The following CLSTN2 variants were observed in gnomAD, a reference collection of about 807,000 sequenced individuals.
The protein encoded by CLSTN2 is calsyntenin-2.
In CLSTN2, 48 loss-of-function variants were observed where a neutral mutation model predicts 101.2. That is an observed-to-expected ratio of 0.47 (90% CI 0.38 to 0.60). CLSTN2 has a LOEUF of 0.60. CLSTN2 is among the 20% of genes least tolerant of loss of function. The pLI, the probability that CLSTN2 is intolerant of heterozygous loss-of-function variation, is 0.00. For missense variants in CLSTN2, 1,160 were observed against 1,238.2 expected (o/e 0.94, Z 0.95); for synonymous variants, 481 against 463.6 (o/e 1.04, Z -0.48).
chr3:140,356,433 A>T (rs1388583633), intron 2 of CLSTN2, among the ~76,000 whole-genome samples: 1 of 152,168 alleles, frequency 6.6e-6, no homozygotes, highest in Non-Finnish European at 1.5e-5. Flanking sequence ...GAGCTGGGTG[A>T]CATGTTAGAA....
At chr3:140,407,933 T>A (rs1302682629) in intron 4 of CLSTN2, among the ~76,000 whole-genome samples, 1 of 152,142 alleles carries the variant, frequency 6.6e-6, no homozygotes, top group Non-Finnish European at 1.5e-5. Context: ...CAGTGATGTT[T>A]AAGTTTGCAA....
intron 10 of CLSTN2, among the ~76,000 whole-genome samples, chr3:140,554,771 G>A (rs975984575): frequency 1.1e-4 from 16 of 152,250 alleles, no homozygotes; most frequent in Non-Finnish European, 2.1e-4. Context: ...AAAGATTACA[G>A]TTTATCTATA....
intron 1 of CLSTN2, among the ~76,000 whole-genome samples, chr3:140,029,497 G>T (rs2007502400): frequency 6.6e-6 from 1 of 152,150 alleles, no homozygotes; most frequent in Non-Finnish European, 1.5e-5. Context: ...AGTCCCACAT[G>T]CTGATTTTTA....
At chr3:140,492,643 G>A (rs1934375037) in intron 8 of CLSTN2, among the ~76,000 whole-genome samples, 1 of 152,154 alleles carries the variant, frequency 6.6e-6, no homozygotes, top group Non-Finnish European at 1.5e-5. Context: ...AAAGAAATTT[G>A]GATGAATGAA....
intron 2 of CLSTN2, among the ~76,000 whole-genome samples, chr3:140,295,743 C>T (rs1278400487): frequency 1.3e-5 from 2 of 152,082 alleles, no homozygotes; most frequent in African/African-American, 2.4e-5. Flanking sequence ...CGACCATTGC[C>T]TTTGGAGGTA....
intron 5 of CLSTN2, among the ~76,000 whole-genome samples, chr3:140,427,823 G>A (rs773509135): frequency 6.6e-5 from 10 of 152,082 alleles, no homozygotes; most frequent in Non-Finnish European, 1.3e-4. Flanking sequence ...CTTGAGTTGC[G>A]ATTTGTGAGA....
At chr3:139,947,201 G>T (rs951614654) in intron 1 of CLSTN2, among the ~76,000 whole-genome samples, 1 of 152,192 alleles carries the variant, frequency 6.6e-6, no homozygotes, top group African/African-American at 2.4e-5. Context: ...ATGAAATCTA[G>T]TGTAGAAAAA....
intron 2 of CLSTN2, among the ~76,000 whole-genome samples, chr3:140,332,924 T>C (rs1332107875): frequency 1.3e-5 from 2 of 152,216 alleles, no homozygotes; most frequent in African/African-American, 4.8e-5. Context: ...AGTGTCTTAC[T>C]GACCTGTATT....
Position 140,209,076 on chromosome 3 carries a change from G to GA in CLSTN2, c.232+33011dup, listed in dbSNP as rs546170076. 3.3e-5 allele frequency among the ~76,000 whole-genome samples: 5 copies of GA among 151,830 alleles called. No individual in the cohort carries two copies. The East Asian group carries it at 7.7e-4, about 23-fold the overall frequency. On this transcript the variant is annotated intron_variant, in intron 2 of 16. Coordinates refer to ENST00000458420, the MANE Select transcript of CLSTN2 (RefSeq NM_022131.3). ...TTTCTATAAGAACAATTTATTTATG[G>GA]AAAAAAAATCACTCCCATTCTGTCT... is the stretch of plus-strand genomic sequence containing the variant.
chr3:140,110,432 G>A (rs370196127), intron 1 of CLSTN2, among the ~76,000 whole-genome samples: 3 of 152,196 alleles, frequency 2.0e-5, no homozygotes, highest in African/African-American at 7.2e-5. Flanking sequence ...ATGGGGCATC[G>A]TGTTATTGAA....
chr3:139,949,250 C>T (rs150708072), intron 1 of CLSTN2, among the ~76,000 whole-genome samples: 99 of 152,294 alleles, frequency 6.5e-4, no homozygotes, highest in African/African-American at 2.0e-3. Context: ...TTCTCAGACT[C>T]GGTCTAACGC....
At chr3:140,268,310 C>T (rs1356017831) in intron 2 of CLSTN2, among the ~76,000 whole-genome samples, 1 of 152,138 alleles carries the variant, frequency 6.6e-6, no homozygotes, top group African/African-American at 2.4e-5. Context: ...TTCACTCAGC[C>T]CTTTTACCAA....
chr3:140,492,291 A>C (rs1934368754), intron 8 of CLSTN2, among the ~76,000 whole-genome samples: 1 of 152,250 alleles, frequency 6.6e-6, no homozygotes, highest in Admixed American at 6.5e-5. Flanking sequence ...AAGCGGGCCC[A>C]GTAGTTCCAT....
chr3:140,323,491 A>G (rs1474813024), intron 2 of CLSTN2, among the ~76,000 whole-genome samples: 1 of 152,234 alleles, frequency 6.6e-6, no homozygotes, highest in African/African-American at 2.4e-5. Context: ...CCTCATAGAT[A>G]AAATGATTGG....
chr3:140,382,295 A>G (rs1055464112), intron 2 of CLSTN2, among the ~76,000 whole-genome samples: 2 of 152,136 alleles, frequency 1.3e-5, no homozygotes, highest in South Asian at 2.1e-4. Flanking sequence ...TTGAGTCTCC[A>G]TGGGCCACCC....
At chr3:140,148,344 A>C (rs1220608346) in intron 1 of CLSTN2, among the ~76,000 whole-genome samples, 1 of 152,220 alleles carries the variant, frequency 6.6e-6, no homozygotes, top group Non-Finnish European at 1.5e-5. Flanking sequence ...TTAATTGCTA[A>C]TGACATTGAG....
chr3:140,179,194 A>T (rs1275395336), intron 2 of CLSTN2, among the ~76,000 whole-genome samples: 10 of 152,160 alleles, frequency 6.6e-5, no homozygotes, highest in Admixed American at 3.3e-4. Context: ...ACAAGTATTT[A>T]TTGTAGAAAC....
chr3:140,505,297 A>T (rs11709864), intron 8 of CLSTN2, among the ~76,000 whole-genome samples: 2 of 152,096 alleles, frequency 1.3e-5, no homozygotes, highest in Non-Finnish European at 2.9e-5. Flanking sequence ...TCTGAATTCC[A>T]CCAGAACAAG....
At chr3:140,306,271 A>G (rs979496866) in intron 2 of CLSTN2, among the ~76,000 whole-genome samples, 3 of 152,172 alleles carry the variant, frequency 2.0e-5, no homozygotes, top group African/African-American at 4.8e-5. Context: ...CTGCCACCCA[A>G]TGAATCGCAT....
Sources: gnomAD v4.1 joint callset for allele counts (sites outside exome capture counted in the v4.1 genomes callset) on GRCh38, gnomAD v4.1.1 for gene constraint, MANE v1.5 for transcripts, NCBI Gene and HGNC (gene_info 2026-07-23, HGNC 2026-07-21) for gene names.